STOX2: variants seen among roughly 807,000 people sequenced by gnomAD.
The protein encoded by STOX2 is storkhead box 2, also known as storkhead-box protein 2.
STOX2 carries 28 observed loss-of-function variants against 60.9 expected under a neutral mutation model. That is an observed-to-expected ratio of 0.46 (90% CI 0.34 to 0.63). The LOEUF (loss-of-function observed/expected upper bound fraction) is 0.63. STOX2 is among the 30% of genes least tolerant of loss of function. STOX2 has a pLI of 0.01. For synonymous variants in STOX2, 472 were observed against 463.9 expected (o/e 1.02, Z -0.22); for missense variants, 1,024 against 1,187.7 (o/e 0.86, Z 2.03).
intron 1 of STOX2, among the ~76,000 whole-genome samples, chr4:183,915,407 C>T (rs916038456): frequency 2.0e-5 from 3 of 151,516 alleles, no homozygotes; most frequent in African/African-American, 7.3e-5. Context: ...GACTGAGGTG[C>T]ATGGGGTATT....
chr4:183,972,664 A>C (rs1743778069), intron 1 of STOX2, among the ~76,000 whole-genome samples: 1 of 152,158 alleles, frequency 6.6e-6, no homozygotes, highest in African/African-American at 2.4e-5. Flanking sequence ...AATGTTGATC[A>C]CGTGCTTAAA....
At chr4:183,872,082 G>A (rs1740705974) in intron 1 of STOX2, among the ~76,000 whole-genome samples, 1 of 151,918 alleles carries the variant, frequency 6.6e-6, no homozygotes, top group Non-Finnish European at 1.5e-5. Flanking sequence ...TTGAAACAGA[G>A]TCTCACTCTG....
chr4:183,921,437 G>A (rs933678473), intron 1 of STOX2, among the ~76,000 whole-genome samples: 5 of 151,988 alleles, frequency 3.3e-5, no homozygotes, highest in African/African-American at 9.7e-5. Context: ...TTCCTTTTGG[G>A]GGAAAACAAA....
chr4:183,939,166 G>A (rs919886782), intron 1 of STOX2, among the ~76,000 whole-genome samples: 10 of 152,110 alleles, frequency 6.6e-5, no homozygotes, highest in Admixed American at 2.0e-4. Context: ...TATTCCCTAC[G>A]GCTGCCATAG....
At position 184,010,485 on chromosome 4, in the gene STOX2, A is replaced by G. The variant is rs915272482; in HGVS notation, c.1647A>G (p.Thr549=). 2 of 1,613,860 alleles carry G rather than the reference A, an allele frequency of 1.2e-6. No homozygotes were observed. Among genetic ancestry groups the G allele is most frequent in the Non-Finnish European group, 1.7e-6 (2 of 1,179,852 alleles). ...TCCAAAGGGCTCACATTTCGTCCAC[A>G]AGCTATAAAGAGGTGTGTATTCCAG... is the stretch of plus-strand genomic sequence containing the variant. The part of the protein sequence containing the change: ...VSLQRAHISS[T]SYKEVCIPEI... Residue 549 remains threonine (T), a synonymous_variant, in exon 3 of 4, where the codon ACA becomes ACG. Coordinates refer to ENST00000308497, the MANE Select transcript of STOX2 (RefSeq NM_020225.3). This position sits in a 1 kb window ranked among gnomAD's most constrained non-coding sequence, Gnocchi z 4.5.
chr4:183,900,837 A>G (rs1418329635), upstream of STOX2, among the ~76,000 whole-genome samples: 1 of 152,210 alleles, frequency 6.6e-6, no homozygotes, highest in Non-Finnish European at 1.5e-5. Context: ...GTGCATCTAT[A>G]AATTTCATTT....
chr4:183,906,874 C>G lies in STOX2; in HGVS notation c.84C>G (p.Ser28=). ...ACCGGGCCTCGGACCGCATGAGGTC[C>G]CGCAGCGAGAAGGACTACCGCCTGC... ...FSDRASDRMR[S]RSEKDYRLHK... is the part of the protein sequence containing the mutation. Residue 28 remains serine (S), a synonymous_variant, in exon 1 of 4, where the codon TCC becomes TCG. Coordinates refer to ENST00000308497, the MANE Select transcript of STOX2 (RefSeq NM_020225.3). 6.4e-7 allele frequency: 1 copy of G among 1,551,516 alleles called. No individual in the cohort carries two copies. Among genetic ancestry groups the G allele is most frequent in the Non-Finnish European group, 8.7e-7 (1 of 1,147,038 alleles).
chr4:183,875,250 C>G (rs1455562045), intron 1 of STOX2, among the ~76,000 whole-genome samples: 1 of 152,012 alleles, frequency 6.6e-6, no homozygotes, highest in Admixed American at 6.6e-5. Context: ...TCTTTATTCT[C>G]TTAAAATAAG....
chr4:183,863,041 A>G (rs1330402987), intron 1 of STOX2, among the ~76,000 whole-genome samples: 1 of 152,108 alleles, frequency 6.6e-6, no homozygotes, highest in Non-Finnish European at 1.5e-5. Flanking sequence ...GTAGTTCAGG[A>G]TCTTCCGACC....
At chr4:183,958,663 C>G (rs1743326709) in intron 1 of STOX2, among the ~76,000 whole-genome samples, 1 of 152,170 alleles carries the variant, frequency 6.6e-6, no homozygotes, top group African/African-American at 2.4e-5. Flanking sequence ...AAAAGCCCAT[C>G]TTAGATCTTC....
rs908161254 is a variant in STOX2 at position 183,806,673 on chromosome 4, C to G, written c.364+8618C>G. 2.6e-5 allele frequency among the ~76,000 whole-genome samples: 4 copies of G among 152,258 alleles called. No homozygotes were observed. The South Asian group carries it at 6.2e-4, about 24-fold the overall frequency. On this transcript the variant is annotated intron_variant, in intron 1 of 2. Coordinates refer to the STOX2 transcript ENST00000513034. This position sits in a 1 kb window ranked among gnomAD's most constrained non-coding sequence, Gnocchi z 4.1. The stretch of plus-strand genomic sequence containing the variant: ...TCAGGTGCCTCCCTTCTTCCCCCGA[C>G]CCCCACTTTCCCTCCAGGATTTGGA...
upstream of STOX2, among the ~76,000 whole-genome samples, chr4:183,902,778 G>A (rs1741490367): frequency 6.6e-6 from 1 of 152,176 alleles, no homozygotes; most frequent in African/African-American, 2.4e-5. Context: ...CCCCAGTTTG[G>A]ATGGATAAAT....
At chr4:183,908,601 T>G (rs974018731) in intron 1 of STOX2, among the ~76,000 whole-genome samples, 1 of 151,728 alleles carries the variant, frequency 6.6e-6, no homozygotes, top group Non-Finnish European at 1.5e-5. Context: ...AGTTTTTTTT[T>G]TTTTTTTTTT....
rs568717282 is a variant in STOX2 at position 183,850,057 on chromosome 4, G to A, written c.364+52002G>A. On this transcript the variant is annotated intron_variant, in intron 1 of 2. Coordinates refer to the STOX2 transcript ENST00000513034. The stretch of plus-strand genomic sequence containing the variant: ...TGGCTCACCATAACCTCCACCTCCC[G>A]GGTTCAAGCAATTCTCCTGCCTCAG... Among the ~76,000 whole-genome samples, 11 of 151,856 alleles carry A rather than the reference G, an allele frequency of 7.2e-5. 1 individual carries two copies. Among genetic ancestry groups the A allele is most frequent in the African/African-American group, 2.2e-4 (9 of 41,438 alleles).
intron 1 of STOX2, among the ~76,000 whole-genome samples, chr4:183,896,857 C>G (rs1579386570): frequency 6.6e-6 from 1 of 152,254 alleles, no homozygotes; most frequent in South Asian, 2.1e-4. Context: ...TTATAAATGT[C>G]CAGAGTTATA....
intron 1 of STOX2, among the ~76,000 whole-genome samples, chr4:183,809,560 A>G (rs1738990323): frequency 6.6e-6 from 1 of 152,024 alleles, no homozygotes; most frequent in Non-Finnish European, 1.5e-5. Context: ...CATCACACCC[A>G]GCTAATTTTT....
At chr4:183,883,339 A>G (rs1287242017) in intron 1 of STOX2, among the ~76,000 whole-genome samples, 1 of 119,092 alleles carries the variant, frequency 8.4e-6, no homozygotes, top group African/African-American at 3.2e-5. Context: ...TTTTTTTTTG[A>G]GACAGAGTCT....
intron 1 of STOX2, among the ~76,000 whole-genome samples, chr4:183,951,203 A>G (rs1167642130): frequency 6.9e-6 from 1 of 145,312 alleles, no homozygotes; most frequent in African/African-American, 2.6e-5. Flanking sequence ...CGACAGAGCG[A>G]GACTCCGTCT....
intron 1 of STOX2, among the ~76,000 whole-genome samples, chr4:183,805,455 T>C (rs982670575): frequency 6.6e-6 from 1 of 152,190 alleles, no homozygotes; most frequent in Admixed American, 6.5e-5. Flanking sequence ...TAGTATACTA[T>C]AATAATAGCT....
Sources: gnomAD v4.1 joint callset for allele counts (sites outside exome capture counted in the v4.1 genomes callset) on GRCh38, gnomAD v4.1.1 for gene constraint, Gnocchi (gnomAD v3.1) non-coding constraint, MANE v1.5 for transcripts, NCBI Gene and HGNC (gene_info 2026-07-23, HGNC 2026-07-21) for gene names.